The following COMMD10 variants were observed in gnomAD, a reference collection of about 807,000 sequenced individuals.
COMMD10 encodes COMM domain-containing protein 10.
Under a neutral mutation model 28.9 loss-of-function variants are expected in COMMD10, and 33 were observed. That is an observed-to-expected ratio of 1.14 (90% CI 0.87 to 1.53). COMMD10 has a LOEUF of 1.53. Among genes scored for constraint, COMMD10 ranks in the 40% most tolerant of loss-of-function variants. The probability of loss-of-function intolerance (pLI) is 0.00; values close to 1 mark genes in which losing one functional copy is unlikely to be tolerated. For synonymous variants in COMMD10, 110 were observed against 81.7 expected (o/e 1.35, Z -1.87); for missense variants, 310 against 233.4 (o/e 1.33, Z -2.14).
At chr5:116,228,389 C>G (rs1234315355) in intron 5 of COMMD10, among the ~76,000 whole-genome samples, 1 of 151,386 alleles carries the variant, frequency 6.6e-6, no homozygotes, top group African/African-American at 2.4e-5. Flanking sequence ...TTGATTTTGC[C>G]CAATGACACA....
At chr5:116,168,812 TG>T (rs758129383) in intron 5 of COMMD10, among the ~76,000 whole-genome samples, 2 of 152,194 alleles carry the variant, frequency 1.3e-5, no homozygotes, top group Non-Finnish European at 2.9e-5. Context: ...CCAGAATCTC[TG>T]GGACACAGCT....
At chr5:116,218,897 T>C (rs1238474381) in intron 5 of COMMD10, among the ~76,000 whole-genome samples, 10 of 152,138 alleles carry the variant, frequency 6.6e-5, no homozygotes. Flanking sequence ...TGAATTGTGC[T>C]TCCTCAAAAT....
chr5:116,164,146 G>C lies in COMMD10; in HGVS notation c.510+29968G>C, dbSNP rs553955626. 3.9e-5 allele frequency among the ~76,000 whole-genome samples: 6 copies of C among 152,138 alleles called. No individual in the cohort carries two copies. In the South Asian group the frequency reaches 1.2e-3, roughly 32 times the overall value. ...AGCTCTGCAAACATGGTAAAACCCT[G>C]CCTCTACTAAGAATACAAAAGAAAA... On this transcript the variant is annotated intron_variant, in intron 5 of 6. Transcript: ENST00000274458.
chr5:116,170,886 G>T (rs1405665165), intron 5 of COMMD10, among the ~76,000 whole-genome samples: 1 of 152,032 alleles, frequency 6.6e-6, no homozygotes, highest in Non-Finnish European at 1.5e-5. Context: ...AAAAACCCTA[G>T]GAAAAAATCT....
chr5:116,257,499 C>G (rs1335850307), intron 5 of COMMD10, among the ~76,000 whole-genome samples: 2 of 151,384 alleles, frequency 1.3e-5, no homozygotes, highest in Non-Finnish European at 2.9e-5. Context: ...GGCATTTTAG[C>G]AAAACAATAA....
chr5:116,134,107 C>T lies in COMMD10; in HGVS notation c.439C>T (p.His147Tyr). Residue 147 changes from histidine to tyrosine, a missense_variant, in exon 5 of 7, where the codon CAC becomes TAC. Physicochemically the swap from His to Tyr is moderately conservative, Grantham distance 83. Coordinates refer to ENST00000274458, the MANE Select transcript of COMMD10 (RefSeq NM_016144.4). ...VGWQLNLQMA[H>Y]SAQAKLKSPQ... The stretch of plus-strand genomic sequence containing the variant: ...ATGGCAGCTTAACCTTCAGATGGCT[C>T]ACTCTGCTCAAGCAAAACTAAAATC... The T allele has an allele frequency of 6.2e-7, 1 of 1,611,950 alleles. No individual in the cohort carries two copies. The highest frequency in any genetic ancestry group is 8.5e-7 in the Non-Finnish European group (1 of 1,178,014).
At chr5:116,124,916 T>A (rs915093364) in intron 4 of COMMD10, among the ~76,000 whole-genome samples, 5 of 152,188 alleles carry the variant, frequency 3.3e-5, no homozygotes, top group African/African-American at 1.2e-4. Flanking sequence ...TTCCATTTGC[T>A]TGGTAGATCT....
intron 5 of COMMD10, among the ~76,000 whole-genome samples, chr5:116,264,097 A>G (rs1450182134): frequency 6.6e-6 from 1 of 151,782 alleles, no homozygotes; most frequent in Non-Finnish European, 1.5e-5. Flanking sequence ...TAGAGCCTTT[A>G]ACTAAAGGAG....
intron 5 of COMMD10, among the ~76,000 whole-genome samples, chr5:116,258,170 A>C (rs1022929889): frequency 1.3e-5 from 2 of 151,778 alleles, no homozygotes; most frequent in African/African-American, 4.8e-5. Context: ...ATAAAGAATA[A>C]AAATTACAGT....
At chr5:116,097,309 A>G (rs1347711620) in intron 4 of COMMD10, among the ~76,000 whole-genome samples, 2 of 150,842 alleles carry the variant, frequency 1.3e-5, no homozygotes, top group Admixed American at 1.3e-4. Context: ...TATAATGATA[A>G]CAAGCATTTA....
chr5:116,273,240 C>T (rs1369443194), intron 5 of COMMD10, among the ~76,000 whole-genome samples: 1 of 151,882 alleles, frequency 6.6e-6, no homozygotes, highest in Non-Finnish European at 1.5e-5. Flanking sequence ...GAAATCCATG[C>T]ATAGTTTTTT....
At chr5:116,146,191 A>C (rs764095731) in intron 5 of COMMD10, among the ~76,000 whole-genome samples, 5 of 151,880 alleles carry the variant, frequency 3.3e-5, no homozygotes, top group African/African-American at 7.2e-5. Flanking sequence ...CTTGGAAACA[A>C]GTGGTCTAAT....
chr5:116,133,511 TC>T (rs1751927156), intron 4 of COMMD10, among the ~76,000 whole-genome samples: 1 of 152,208 alleles, frequency 6.6e-6, no homozygotes, highest in Non-Finnish European at 1.5e-5. Flanking sequence ...AGATATCAAT[TC>T]TCTGCCTGTT....
chr5:116,215,355 A>G (rs1013805113), intron 5 of COMMD10, among the ~76,000 whole-genome samples: 3 of 152,062 alleles, frequency 2.0e-5, no homozygotes, highest in African/African-American at 7.2e-5. Flanking sequence ...AGTATGGTCA[A>G]ATTCATTTAG....
At chr5:116,279,043 TA>T (rs1750994846) in intron 5 of COMMD10, among the ~76,000 whole-genome samples, 1 of 151,824 alleles carries the variant, frequency 6.6e-6, no homozygotes, top group Non-Finnish European at 1.5e-5. Context: ...AAGATCTAGC[TA>T]AATGAAATCA....
At chr5:116,166,822 C>A (rs554789841) in intron 5 of COMMD10, among the ~76,000 whole-genome samples, 11 of 152,230 alleles carry the variant, frequency 7.2e-5, no homozygotes, top group African/African-American at 2.6e-4. Context: ...CGGACATCCA[C>A]ACAAAAACCC....
intron 5 of COMMD10, among the ~76,000 whole-genome samples, chr5:116,164,315 G>T (rs1216420657): frequency 7.4e-6 from 1 of 134,694 alleles, no homozygotes. Context: ...AGTGAAACTC[G>T]GTCTCAAAAA....
intron 5 of COMMD10, among the ~76,000 whole-genome samples, chr5:116,195,258 A>C (rs1270725783): frequency 5.9e-5 from 9 of 152,138 alleles, no homozygotes; most frequent in Non-Finnish European, 1.3e-4. Context: ...CTGGAACAAG[A>C]TAAGGATACC....
intron 5 of COMMD10, among the ~76,000 whole-genome samples, chr5:116,224,584 T>A (rs144528617): frequency 6.6e-6 from 1 of 152,078 alleles, no homozygotes; most frequent in African/African-American, 2.4e-5. Flanking sequence ...CCGCACTCTT[T>A]TAAACAACCA....
Sources: allele counts gnomAD v4.1 joint callset (sites outside exome capture counted in the v4.1 genomes callset), GRCh38; gene constraint gnomAD v4.1.1; transcripts MANE v1.5; gene names NCBI Gene and HGNC (gene_info 2026-07-23, HGNC 2026-07-21).